The following TNR variants were observed in gnomAD, a reference collection of about 807,000 sequenced individuals.
TNR encodes tenascin R.
TNR carries 45 observed loss-of-function variants against 150.4 expected under a neutral mutation model. The observed-to-expected ratio is 0.30, with a 90% CI of 0.24 to 0.38. TNR has a LOEUF of 0.38. TNR is among the 10% of genes least tolerant of loss of function. The pLI, the probability that TNR is intolerant of heterozygous loss-of-function variation, is 1.00. For synonymous variants in TNR, 687 were observed against 678.4 expected (o/e 1.01, Z -0.20); for missense variants, 1,544 against 1,759.1 (o/e 0.88, Z 2.19).
chr1:175,682,871 T>G (rs186953096), intron 1 of TNR, among the ~76,000 whole-genome samples: 47 of 152,244 alleles, frequency 3.1e-4, no homozygotes, highest in Non-Finnish European at 1.5e-5. Context: ...ATTTCCCTTT[T>G]CAAACATCCA....
chr1:175,412,379 A>C (rs859467), intron 2 of TNR, among the ~76,000 whole-genome samples: 149,488 of 152,196 alleles, frequency 0.98, 73,420 homozygotes, highest in Middle Eastern at 1. Context: ...CCAATCCAAG[A>C]GATCTCCCCA....
intron 1 of TNR, among the ~76,000 whole-genome samples, chr1:175,540,192 C>G (rs1660447935): frequency 6.6e-6 from 1 of 152,208 alleles, no homozygotes; most frequent in South Asian, 2.1e-4. Flanking sequence ...TCTGATCCCA[C>G]TAACAAGTGT....
At chr1:175,722,728 G>A (rs1011727971) in intron 1 of TNR, among the ~76,000 whole-genome samples, 25 of 151,960 alleles carry the variant, frequency 1.6e-4, no homozygotes, top group Admixed American at 1.1e-3. Context: ...GCCTTCCAAA[G>A]TGCTGGGGGA....
chr1:175,412,813 T>C (rs1031251396), intron 2 of TNR, among the ~76,000 whole-genome samples: 1 of 152,224 alleles, frequency 6.6e-6, no homozygotes, highest in African/African-American at 2.4e-5. Context: ...CTCTGAGCCC[T>C]GCTGAAGGGG....
In TNR at chr1:175,583,039, T is replaced by C. The variant is rs556383566; in HGVS notation, c.-164-54670A>G. On this transcript the variant is annotated intron_variant, in intron 1 of 22. Transcript: ENST00000367674. ...TCCCAGTCTTCAGAACTATGAGAAA[T>C]ACCTTTTTGTTTATTACAAATTACT... is the stretch of plus-strand genomic sequence containing the variant. 3.3e-3 allele frequency among the ~76,000 whole-genome samples: 501 copies of C among 151,942 alleles called. 3 individuals are homozygous for C. Among genetic ancestry groups the C allele is most frequent in the Admixed American group, 5.2e-3 (80 of 15,248 alleles).
At chr1:175,675,479 G>A (rs761774434) in intron 1 of TNR, among the ~76,000 whole-genome samples, 33 of 152,332 alleles carry the variant, frequency 2.2e-4, no homozygotes, top group Middle Eastern at 6.8e-3. Flanking sequence ...TGAGTGTGCA[G>A]TGTATACATG....
intron 1 of TNR, among the ~76,000 whole-genome samples, chr1:175,533,829 T>A (rs1660165801): frequency 6.6e-6 from 1 of 152,078 alleles, no homozygotes; most frequent in South Asian, 2.1e-4. Flanking sequence ...TGCAGGAGCT[T>A]TGTTGGTGAT....
rs1649043261 is a variant in TNR at position 175,321,407 on chromosome 1, G to A, written c.*1950C>T. On this transcript the variant is annotated 3_prime_UTR_variant, in exon 23 of 23. Coordinates refer to ENST00000367674, the MANE Select transcript of TNR (RefSeq NM_003285.3). ...GTTCTCAAAGCTTGGTAAGAGTGAG[G>A]ATATTTCCATTAGAAAATTGCCGAC... is the stretch of plus-strand genomic sequence containing the variant. 1 of 152,216 alleles carries A rather than the reference G, an allele frequency of 6.6e-6. No homozygotes were observed. The highest frequency in any genetic ancestry group is 2.4e-5 in the African/African-American group (1 of 41,436). 9.4% of individuals were successfully genotyped at this position (152,216 alleles called of 1,614,324 possible).
At chr1:175,335,312 GAACTAA>G in intron 20 of TNR, 1 of 170,560 alleles carries the variant, frequency 5.9e-6, no homozygotes. Context: ...ATTCTCCAAG[GAACTAA>G]GCGGAGTGGC....
chr1:175,545,681 T>A (rs1429418092), intron 1 of TNR, among the ~76,000 whole-genome samples: 1 of 152,218 alleles, frequency 6.6e-6, no homozygotes, highest in East Asian at 1.9e-4. Flanking sequence ...AGCAACTCTA[T>A]GAAGTAGGTA....
At chr1:175,538,688 G>A (rs751761609) in intron 1 of TNR, 4 of 152,178 alleles carry the variant, frequency 2.6e-5, no homozygotes, top group Non-Finnish European at 5.9e-5. Context: ...TGCTGTGTTG[G>A]TATGCCTTCT....
intron 1 of TNR, among the ~76,000 whole-genome samples, chr1:175,575,930 T>A (rs1662091812): frequency 6.6e-6 from 1 of 151,994 alleles, no homozygotes; most frequent in African/African-American, 2.4e-5. Flanking sequence ...AAGGAAAAGG[T>A]GTGGCAAAGT....
chr1:175,689,466 G>A (rs777311317), intron 1 of TNR, among the ~76,000 whole-genome samples: 1 of 152,168 alleles, frequency 6.6e-6, no homozygotes, highest in African/African-American at 2.4e-5. Flanking sequence ...AATGATGCTG[G>A]GAGCAGGGCT....
At chr1:175,667,740 C>G (rs139522686) in intron 1 of TNR, among the ~76,000 whole-genome samples, 1 of 152,342 alleles carries the variant, frequency 6.6e-6, no homozygotes, top group Non-Finnish European at 1.5e-5. Context: ...CCCTGATTCC[C>G]TTACCTGATT....
At chr1:175,741,216 G>T (rs1005756517) in intron 1 of TNR, among the ~76,000 whole-genome samples, 1 of 152,228 alleles carries the variant, frequency 6.6e-6, no homozygotes, top group African/African-American at 2.4e-5. Context: ...CTAGGTGAGG[G>T]AATATTAGCA....
At chr1:175,447,980 T>C (rs1343359008) in intron 2 of TNR, among the ~76,000 whole-genome samples, 1 of 152,194 alleles carries the variant, frequency 6.6e-6, no homozygotes, top group Non-Finnish European at 1.5e-5. Flanking sequence ...GTTATTATTA[T>C]TACTATCAGT....
At chr1:175,536,401 C>G (rs572772447) in intron 1 of TNR, among the ~76,000 whole-genome samples, 1 of 152,298 alleles carries the variant, frequency 6.6e-6, no homozygotes, top group East Asian at 1.9e-4. Context: ...GTCCTGGGCA[C>G]TGACCTGCAG....
chr1:175,683,147 C>T (rs969052837), intron 1 of TNR, among the ~76,000 whole-genome samples: 6 of 152,080 alleles, frequency 3.9e-5, no homozygotes, highest in African/African-American at 1.2e-4. Context: ...CAAAAGATCC[C>T]AAGGAGGATC....
intron 1 of TNR, among the ~76,000 whole-genome samples, chr1:175,549,053 C>A (rs144727291): frequency 6.6e-6 from 1 of 152,298 alleles, no homozygotes; most frequent in East Asian, 1.9e-4. Context: ...ATACACGTGC[C>A]AGGAGCAGCA....
Sources: gnomAD v4.1 joint callset for allele counts (sites outside exome capture counted in the v4.1 genomes callset) on GRCh38, gnomAD v4.1.1 for gene constraint, MANE v1.5 for transcripts, NCBI Gene and HGNC (gene_info 2026-07-23, HGNC 2026-07-21) for gene names.